The following USP32 variants were observed in gnomAD, a reference collection of about 807,000 sequenced individuals.
USP32 encodes the protein ubiquitin specific peptidase 32.
USP32 carries 59 observed loss-of-function variants against 204.8 expected under a neutral mutation model. That is an observed-to-expected ratio of 0.29 (90% CI 0.23 to 0.36). USP32 has a LOEUF of 0.36. Among genes scored for constraint, USP32 ranks in the 10% least tolerant of loss-of-function variants. The pLI, the probability that USP32 is intolerant of heterozygous loss-of-function variation, is 1.00. For synonymous variants in USP32, 517 were observed against 678.4 expected, an observed-to-expected ratio of 0.76 and a Z score of 3.70; for missense variants, 1,160 against 1,946.4, an observed-to-expected ratio of 0.60 and a Z score of 7.60.
intron 2 of USP32, among the ~76,000 whole-genome samples, chr17:60,314,533 C>T (rs1044690635): frequency 2.7e-5 from 4 of 147,066 alleles, no homozygotes; most frequent in Non-Finnish European, 4.5e-5. Context: ...ATCTGAAGTA[C>T]GGTGAAGAAA....
In USP32 at chr17:60,198,295, G is replaced by C. The variant is rs553863434; in HGVS notation, c.3399C>G (p.Leu1133=). ...WIQVSRLASP[L]PPQEASNHAQ... Reference sequence around the variant, plus strand: ...CATGATTACTAGCTTCCTGAGGTGGGAGTGGGCTCGCTAACCGGGATACTT... The same window carrying C: ...CATGATTACTAGCTTCCTGAGGTGGCAGTGGGCTCGCTAACCGGGATACTT... The change falls in exon 27 of 34, where the codon CTC becomes CTG. Residue 1133 remains leucine (L), a synonymous_variant. Transcript: ENST00000300896. 3.3e-5 allele frequency: 53 copies of C among 1,614,184 alleles called. No individual in the cohort carries two copies. The East Asian group carries it at 6.9e-4, about 21-fold the overall frequency.
At chr17:60,363,385 G>A (rs2089249445) in intron 1 of USP32, among the ~76,000 whole-genome samples, 1 of 150,162 alleles carries the variant, frequency 6.7e-6, no homozygotes, top group South Asian at 2.1e-4. Flanking sequence ...AACCCGGGAG[G>A]TGGAGGTTGC....
chr17:60,214,847 C>G, intron 16 of USP32, 73 bp from the exon 17 acceptor site: 1 of 1,583,712 alleles, frequency 6.3e-7, no homozygotes. Flanking sequence ...CAATGGGGAC[C>G]ATACTATTTT....
intron 2 of USP32, among the ~76,000 whole-genome samples, chr17:60,334,617 G>A (rs1027874530): frequency 1.4e-5 from 2 of 143,642 alleles, no homozygotes; most frequent in African/African-American, 5.9e-5. Context: ...GCCTGAACCC[G>A]GGAGGCGGAG....
intron 1 of USP32, among the ~76,000 whole-genome samples, chr17:60,391,553 G>C (rs986017369): frequency 6.6e-6 from 1 of 152,118 alleles, no homozygotes; most frequent in Non-Finnish European, 1.5e-5. Flanking sequence ...GATGAGGGGG[G>C]CTGGATGGGC....
intron 1 of USP32, among the ~76,000 whole-genome samples, chr17:60,409,109 A>T (rs1264982974): frequency 6.6e-6 from 1 of 152,110 alleles, no homozygotes. Flanking sequence ...GCACTTTGGG[A>T]GGCCGAGGTG....
At chr17:60,234,926 C>T (rs552309760) in intron 12 of USP32, among the ~76,000 whole-genome samples, 1 of 152,114 alleles carries the variant, frequency 6.6e-6, no homozygotes, top group Admixed American at 6.5e-5. Flanking sequence ...AAAATAATAT[C>T]AAATGCCAGA....
At chr17:60,374,344 C>T (rs1295211660) in intron 1 of USP32, among the ~76,000 whole-genome samples, 1 of 152,002 alleles carries the variant, frequency 6.6e-6, no homozygotes, top group Non-Finnish European at 1.5e-5. Context: ...ACAATAATGC[C>T]TTCTTCTGAA....
chr17:60,195,984 G>A (rs1035377813), intron 27 of USP32, among the ~76,000 whole-genome samples: 26 of 152,162 alleles, frequency 1.7e-4, no homozygotes, highest in Non-Finnish European at 1.0e-4. Flanking sequence ...GTAAAAAGCC[G>A]GCCTGGGCCG....
At chr17:60,236,521 AATT>A (rs2085730846) in intron 11 of USP32, among the ~76,000 whole-genome samples, 1 of 152,066 alleles carries the variant, frequency 6.6e-6, no homozygotes, top group Non-Finnish European at 1.5e-5. Flanking sequence ...CCAATTAATT[AATT>A]AATTACATTT....
rs370423254 is a variant in USP32 at position 60,288,510 on chromosome 17, T to C, written c.571+13A>G. Reference sequence around the variant, plus strand: ...AAAAGGCAAACAGAAAACAATGAAATGTCATTACTTACAATGTGTGACTCC... The same window carrying C: ...AAAAGGCAAACAGAAAACAATGAAACGTCATTACTTACAATGTGTGACTCC... On this transcript the variant is annotated intron_variant, in intron 5 of 33. Coordinates refer to ENST00000300896, the MANE Select transcript of USP32 (RefSeq NM_032582.4). 6.7e-5 allele frequency: 105 copies of C among 1,573,918 alleles called. 2 individuals carry two copies. The Middle Eastern group carries it at 1.4e-3, about 21-fold the overall frequency.
intron 28 of USP32, among the ~76,000 whole-genome samples, chr17:60,191,997 CTT>C (rs758804436): frequency 6.6e-6 from 1 of 152,058 alleles, no homozygotes; most frequent in Non-Finnish European, 1.5e-5. Flanking sequence ...AACTGGCAAA[CTT>C]ATATTTAACG....
At chr17:60,267,465 G>A (rs576413723) in intron 7 of USP32, among the ~76,000 whole-genome samples, 7 of 152,218 alleles carry the variant, frequency 4.6e-5, no homozygotes, top group African/African-American at 1.4e-4. Context: ...CCACTTCCAT[G>A]TTACCTTTCC....
At chr17:60,366,548 G>A (rs375197107) in intron 1 of USP32, among the ~76,000 whole-genome samples, 1 of 152,064 alleles carries the variant, frequency 6.6e-6, no homozygotes, top group African/African-American at 2.4e-5. Context: ...TTACAGGTGT[G>A]AGCCACTGCA....
chr17:60,222,781 C>A (rs2085287633), intron 14 of USP32, among the ~76,000 whole-genome samples: 1 of 150,986 alleles, frequency 6.6e-6, no homozygotes. Flanking sequence ...TCCCGGGTTC[C>A]AGTGATTCTC....
chr17:60,419,023 C>T (rs1391976186), intron 1 of USP32, among the ~76,000 whole-genome samples: 2 of 152,112 alleles, frequency 1.3e-5, no homozygotes, highest in East Asian at 3.8e-4. Flanking sequence ...GATATATACC[C>T]AAAGGAATAT....
chr17:60,231,668 T>A, intron 12 of USP32: 2 of 476,140 alleles, frequency 4.2e-6, no homozygotes, highest in Middle Eastern at 3.4e-4. Flanking sequence ...TTAAAGTATC[T>A]TCTAGCTCTA....
chr17:60,230,891 T>G (rs1229685744), intron 12 of USP32, among the ~76,000 whole-genome samples: 1 of 152,214 alleles, frequency 6.6e-6, no homozygotes, highest in Non-Finnish European at 1.5e-5. Context: ...TTTTTTTGAC[T>G]GTTCATTTCT....
intron 2 of USP32, among the ~76,000 whole-genome samples, chr17:60,343,545 A>G (rs1041875938): frequency 3.9e-5 from 6 of 152,232 alleles, no homozygotes; most frequent in African/African-American, 1.2e-4. Context: ...CTGCTCCTGA[A>G]TGACTACTGG....
Sources: allele counts gnomAD v4.1 joint callset (sites outside exome capture counted in the v4.1 genomes callset), GRCh38; gene constraint gnomAD v4.1.1; transcripts MANE v1.5; gene names NCBI Gene and HGNC (gene_info 2026-07-23, HGNC 2026-07-21).